Variants in PPIP5K1 observed in about 807,000 individuals in gnomAD.
The protein encoded by PPIP5K1 is inositol hexakisphosphate and diphosphoinositol-pentakisphosphate kinase 1.
PPIP5K1 carries 6 observed loss-of-function variants against 27.7 expected under a neutral mutation model. The observed-to-expected ratio is 0.22, with a 90% CI of 0.12 to 0.43. The LOEUF is 0.43. Ranked by LOEUF, PPIP5K1 falls within the 20% of genes least tolerant of loss-of-function variation. The pLI is 1.00. For synonymous variants in PPIP5K1, 145 were observed against 242.6 expected (o/e 0.60, Z 3.74); for missense variants, 394 against 635.4 (o/e 0.62, Z 4.08).
intron 30 of PPIP5K1, among the ~76,000 whole-genome samples, chr15:43,556,275 G>A (rs533430165): frequency 6.6e-5 from 10 of 152,098 alleles, no homozygotes; most frequent in Non-Finnish European, 8.8e-5. Context: ...AGCCAAAATC[G>A]TGCCACTGCA....
At chr15:43,549,370 T>G (rs910979117) in intron 30 of PPIP5K1, among the ~76,000 whole-genome samples, 1 of 152,160 alleles carries the variant, frequency 6.6e-6, no homozygotes, top group East Asian at 1.9e-4. Context: ...CTGGTGTATA[T>G]AAACACAATT....
At chr15:43,540,969 G>T (rs1299717236) in intron 30 of PPIP5K1, among the ~76,000 whole-genome samples, 1 of 151,600 alleles carries the variant, frequency 6.6e-6, no homozygotes, top group Non-Finnish European at 1.5e-5. Flanking sequence ...TTATTGCCTA[G>T]TATCATTCAA....
chr15:43,540,839 G>C (rs979564509), intron 30 of PPIP5K1, among the ~76,000 whole-genome samples: 1 of 146,016 alleles, frequency 6.8e-6, no homozygotes, highest in Admixed American at 6.9e-5. Flanking sequence ...TCTACCATGG[G>C]CGACAGAGAG....
chr15:43,538,666 C>A (rs554931823), intron 31 of PPIP5K1, among the ~76,000 whole-genome samples: 1 of 152,170 alleles, frequency 6.6e-6, no homozygotes, highest in Non-Finnish European at 1.5e-5. Context: ...CACCCACCAC[C>A]ACGCTCGGCT....
intron 30 of PPIP5K1, among the ~76,000 whole-genome samples, chr15:43,541,605 T>C (rs2080726022): frequency 1.3e-5 from 2 of 151,746 alleles, no homozygotes; most frequent in Admixed American, 1.3e-4. Flanking sequence ...TAATCTCAGC[T>C]ACTTGGGAGG....
At chr15:43,537,565 T>C (rs143260028) in intron 31 of PPIP5K1, among the ~76,000 whole-genome samples, 1,546 of 149,488 alleles carry the variant, frequency 0.01, 32 homozygotes, top group African/African-American at 0.036. Flanking sequence ...GGCACGTGCC[T>C]GTAATCCCAG....
chr15:43,579,829 AT>A (rs1411315274), intron 10 of PPIP5K1, among the ~76,000 whole-genome samples: 1 of 6,778 alleles, frequency 1.5e-4, no homozygotes, highest in Non-Finnish European at 2.2e-4. Flanking sequence ...CGGCTGACTA[AT>A]TTTTTTTTTT....
intron 30 of PPIP5K1, among the ~76,000 whole-genome samples, chr15:43,540,696 CAA>C (rs879456184): frequency 1.6e-5 from 2 of 127,302 alleles, no homozygotes; most frequent in African/African-American, 2.9e-5. Flanking sequence ...GACTCTGTCT[CAA>C]AAAAAAAAAA....
At chr15:43,536,916 C>A (rs1272340995) in intron 31 of PPIP5K1, among the ~76,000 whole-genome samples, 2 of 152,014 alleles carry the variant, frequency 1.3e-5, no homozygotes, top group Non-Finnish European at 2.9e-5. Context: ...ATGACAGATT[C>A]TGGGAAAAGG....
At chr15:43,546,751 G>A (rs2081423542) in intron 30 of PPIP5K1, among the ~76,000 whole-genome samples, 1 of 150,928 alleles carries the variant, frequency 6.6e-6, no homozygotes, top group Non-Finnish European at 1.5e-5. Context: ...CAACCTCTGG[G>A]GCTCAGGTGA....
chr15:43,558,089 T>C (rs2083248163), intron 30 of PPIP5K1, among the ~76,000 whole-genome samples: 1 of 146,492 alleles, frequency 6.8e-6, no homozygotes, highest in African/African-American at 2.5e-5. Flanking sequence ...TGAGATGGAG[T>C]CTCGCTCTGT....
chr15:43,556,158 A>G (rs1248195341), intron 30 of PPIP5K1, among the ~76,000 whole-genome samples: 1 of 151,886 alleles, frequency 6.6e-6, no homozygotes, highest in Non-Finnish European at 1.5e-5. Flanking sequence ...TCTCTACTAA[A>G]AAAATACAAA....
intron 30 of PPIP5K1, among the ~76,000 whole-genome samples, chr15:43,558,276 G>A (rs867066420): frequency 1.1e-4 from 17 of 151,064 alleles, no homozygotes; most frequent in African/African-American, 3.4e-4. Flanking sequence ...TTGCCAGGCC[G>A]GAGTGTAGTG....
chr15:43,579,594 T>C (rs2084748238), intron 10 of PPIP5K1, among the ~76,000 whole-genome samples: 1 of 75,222 alleles, frequency 1.3e-5, no homozygotes, highest in Non-Finnish European at 2.2e-5. Context: ...TACATATATG[T>C]GTACGTGTGT....
At chr15:43,537,344 CAAAAAAAAAAAAAAA>C (rs375557879) in intron 31 of PPIP5K1, 1 of 82,870 alleles carries the variant, frequency 1.2e-5, no homozygotes, top group East Asian at 6.0e-4. Context: ...GACTCCACCT[CAAAAAAAAAAAAAAA>C]AAAAAAAAAA....
In PPIP5K1 at chr15:43,539,431, C is replaced by T. The variant is rs577631684; in HGVS notation, c.3670+39G>A. On this transcript the variant is annotated intron_variant, in intron 31 of 31. Coordinates refer to ENST00000420765, the MANE Select transcript of PPIP5K1 (RefSeq NM_001394395.1). Reference sequence around the variant, plus strand: ...CTCATTCACCAATCACTCCAGTCTTCATGACTTTTGTCTAGGCAGTTCCAA... The same window carrying T: ...CTCATTCACCAATCACTCCAGTCTTTATGACTTTTGTCTAGGCAGTTCCAA... 4 of 1,415,282 alleles carry T rather than the reference C, an allele frequency of 2.8e-6. No homozygotes were observed. The East Asian group carries it at 9.5e-5, about 34-fold the overall frequency. The allele number at this position is 1,415,282 out of a possible 1,614,324, so 87.7% of individuals were successfully genotyped here. A position where few individuals can be genotyped will look rare whatever the true frequency, so the allele number is the denominator to read the frequency against.
chr15:43,541,376 G>C (rs990165097), intron 30 of PPIP5K1, among the ~76,000 whole-genome samples: 1 of 152,094 alleles, frequency 6.6e-6, no homozygotes, highest in Non-Finnish European at 1.5e-5. Flanking sequence ...GCCTTCCAAA[G>C]TGTTAGGATT....
intron 1 of PPIP5K1, among the ~76,000 whole-genome samples, chr15:43,586,813 G>A (rs2085343338): frequency 1.2e-5 from 1 of 81,602 alleles, no homozygotes. Context: ...TGGTTGGGAG[G>A]TTGAGAATAC....
chr15:43,555,578 G>A (rs1595841162), intron 30 of PPIP5K1, among the ~76,000 whole-genome samples: 1 of 152,006 alleles, frequency 6.6e-6, no homozygotes, highest in East Asian at 1.9e-4. Context: ...GAGCCACCAT[G>A]CCTGGCTGAA....
Sources: allele counts gnomAD v4.1 joint callset (sites outside exome capture counted in the v4.1 genomes callset), GRCh38; gene constraint gnomAD v4.1.1; transcripts MANE v1.5; gene names NCBI Gene and HGNC (gene_info 2026-07-23, HGNC 2026-07-21).